The following ZNF45 variants were observed in gnomAD, a reference collection of about 807,000 sequenced individuals.
ZNF45 encodes the protein BRC1744.
A neutral mutation model predicts 12.0 loss-of-function variants in ZNF45; 4 were observed. The observed-to-expected ratio is 0.33, with a 90% CI of 0.16 to 0.76. ZNF45 has a LOEUF of 0.76. Ranked by LOEUF, ZNF45 falls within the 30% of genes least tolerant of loss-of-function variation. The probability of loss-of-function intolerance (pLI) is 0.60; values close to 1 mark genes in which losing one functional copy is unlikely to be tolerated. For missense variants in ZNF45, 700 were observed against 813.0 expected, an observed-to-expected ratio of 0.86 and a Z score of 1.69; for synonymous variants, 272 against 279.6, an observed-to-expected ratio of 0.97 and a Z score of 0.27.
In ZNF45 at chr19:43,913,938, AG is replaced by A; in HGVS notation, c.1497del (p.Tyr500IlefsTer40). The A allele has an allele frequency of 6.2e-7, 1 of 1,601,960 alleles. No homozygotes were observed. Among genetic ancestry groups the A allele is most frequent in the Non-Finnish European group, 8.5e-7 (1 of 1,171,290 alleles). ...VHCRIHTGEK[P>X]YKCERCGKAF... ...GCCTTACCACACCTCTCGCATTTATAGGGTTTCTCTCCTGTGTGGATTCTAC... is the reference window on the plus strand; with the variant it reads ...GCCTTACCACACCTCTCGCATTTATAGGTTTCTCTCCTGTGTGGATTCTAC... On this transcript the variant is annotated frameshift_variant, in exon 10 of 10. Transcript: ENST00000269973. LOFTEE classifies it low-confidence loss of function (END_TRUNC).
chr19:43,927,445 T>C (rs1416002084), intron 3 of ZNF45, among the ~76,000 whole-genome samples: 1 of 152,200 alleles, frequency 6.6e-6, no homozygotes, highest in African/African-American at 2.4e-5. Context: ...GGGTCTACTC[T>C]GTGCCAGCCA....
rs1285110157 is a variant in ZNF45 at position 43,915,204 on chromosome 19, A to C, written c.236-4T>G. On this transcript the variant is annotated splice_polypyrimidine_tract_variant and splice_region_variant and intron_variant, in intron 9 of 9. Coordinates refer to ENST00000269973, the MANE Select transcript of ZNF45 (RefSeq NM_003425.4). ...ATCTCTTTTAGATTCTTGGCTCCTA[A>C]AAGGATAAAGAAAATGTGGAGATGG... The C allele has an allele frequency of 6.7e-7, 1 of 1,486,192 alleles. No individual in the cohort carries two copies. Among genetic ancestry groups the C allele is most frequent in the South Asian group, 1.5e-5 (1 of 67,446 alleles). 92.1% of individuals were successfully genotyped at this position (1,486,192 alleles called of 1,614,324 possible).
chr19:43,912,830 C>G lies in ZNF45; in HGVS notation c.*557G>C, dbSNP rs764704047. 3 of 152,164 alleles carry G rather than the reference C, an allele frequency of 2.0e-5. No individual in the cohort carries two copies. The highest frequency in any genetic ancestry group is 4.4e-5 in the Non-Finnish European group (3 of 68,144). 9.4% of individuals were successfully genotyped at this position (152,164 alleles called of 1,614,324 possible). A position where few individuals can be genotyped will look rare whatever the true frequency, so the allele number is the denominator to read the frequency against. ...GCTAGCCAGAAACTGATTTCTGAACCCACTAACAAGCTGCAACCTTCAGTT... is the reference window on the plus strand; with the variant it reads ...GCTAGCCAGAAACTGATTTCTGAACGCACTAACAAGCTGCAACCTTCAGTT... On this transcript the variant is annotated 3_prime_UTR_variant, in exon 10 of 10. Coordinates refer to ENST00000269973, the MANE Select transcript of ZNF45 (RefSeq NM_003425.4).
Position 43,913,740 on chromosome 19 carries a change from A to G in ZNF45, c.1696T>C (p.Cys566Arg). The G allele has an allele frequency of 1.9e-6, 3 of 1,606,694 alleles. No individual in the cohort carries two copies. The highest frequency in any genetic ancestry group is 2.5e-6 in the Non-Finnish European group (3 of 1,177,570). The stretch of plus-strand genomic sequence containing the variant: ...TGTGCCAGAAAATTGGAGGCCCGAC[A>G]GAAGCCCTTCCCACACTCCTCACAT... ...YQCEECGKGF[C>R]RASNFLAHRG... The change falls in exon 10 of 10, where the codon TGT becomes CGT. Residue 566 changes from cysteine (C) to arginine (R), a missense_variant. By Grantham distance (180) the Cys-to-Arg change is radical. Transcript: ENST00000269973.
chr19:43,933,491 T>G (rs2147262941), intron 2 of ZNF45, among the ~76,000 whole-genome samples: 1 of 152,196 alleles, frequency 6.6e-6, no homozygotes, highest in Non-Finnish European at 1.5e-5. Flanking sequence ...TTAATGATAA[T>G]TATTAGTTTT....
Position 43,913,977 on chromosome 19 carries a change from G to A in ZNF45, c.1459C>T (p.Leu487Phe). Residue 487 changes from leucine (L) to phenylalanine (F), a missense_variant, in exon 10 of 10, where the codon CTT becomes TTT. By Grantham distance (22) the Leu-to-Phe change is conservative. Transcript: ENST00000269973. ...GTGTGGATTCTACAGTGTACATTAA[G>A]ATCTGAGCTCCGACTGAAGCCCTTC... The part of the protein sequence containing the change: ...CGKGFSRSSD[L>F]NVHCRIHTGE... The A allele has an allele frequency of 6.2e-7, 1 of 1,612,962 alleles. No homozygotes were observed. Among genetic ancestry groups the A allele is most frequent in the Non-Finnish European group, 8.5e-7 (1 of 1,179,710 alleles).
chr19:43,926,420 G>A (rs1973681152), intron 3 of ZNF45: 1 of 152,230 alleles, frequency 6.6e-6, no homozygotes, highest in Admixed American at 6.5e-5. Flanking sequence ...ATGAGTCACT[G>A]TTACAGAACC....
At chr19:43,929,252 T>C (rs1344491417) in intron 3 of ZNF45, among the ~76,000 whole-genome samples, 1 of 152,200 alleles carries the variant, frequency 6.6e-6, no homozygotes, top group Non-Finnish European at 1.5e-5. Flanking sequence ...CCTTTGAGAC[T>C]CACAGGGCCC....
chr19:43,919,521 C>T, intron 8 of ZNF45, 52 bp downstream of exon 8: 1 of 1,587,484 alleles, frequency 6.3e-7, no homozygotes, highest in Admixed American at 1.7e-5. Flanking sequence ...TACCCAAGGA[C>T]AGAGAGACAA....
Position 43,913,681 on chromosome 19 carries a change from T to C in ZNF45, c.1755A>G (p.Arg585=). The C allele has an allele frequency of 6.2e-7, 1 of 1,612,626 alleles. No individual in the cohort carries two copies. Among genetic ancestry groups the C allele is most frequent in the Non-Finnish European group, 8.5e-7 (1 of 1,179,746 alleles). The part of the protein sequence containing the change: ...RGVHTGEKPY[R]CDVCGKRFRQ... ...TGAAGCGCTTACCACACACATCACA[T>C]CGGTATGGTTTTTCTCCTGTGTGGA... The change falls in exon 10 of 10, where the codon CGA becomes CGG. Residue 585 remains arginine (R), a synonymous_variant. Coordinates refer to ENST00000269973, the MANE Select transcript of ZNF45 (RefSeq NM_003425.4).
chr19:43,921,105 A>T (rs1300035779), intron 7 of ZNF45, among the ~76,000 whole-genome samples: 1 of 152,178 alleles, frequency 6.6e-6, no homozygotes, highest in Non-Finnish European at 1.5e-5. Context: ...CAGGTCCACT[A>T]AGTGGAGAAT....
intron 6 of ZNF45, among the ~76,000 whole-genome samples, chr19:43,922,468 T>A (rs1973276316): frequency 6.6e-6 from 1 of 151,952 alleles, no homozygotes; most frequent in African/African-American, 2.4e-5. Context: ...CAACATAATT[T>A]CTCCTTGTGG....
At position 43,919,601 on chromosome 19, in the gene ZNF45, C is replaced by T; in HGVS notation, c.114G>A (p.Leu38=). 1.9e-6 allele frequency: 3 copies of T among 1,612,908 alleles called. No individual in the cohort carries two copies. The highest frequency in any genetic ancestry group is 2.5e-6 in the Non-Finnish European group (3 of 1,179,248). ...CTGAGACCACATTCCTGAAGTTCTCCAGCATCACATCTCGGTACAGCTTCC... is the reference window on the plus strand; with the variant it reads ...CTGAGACCACATTCCTGAAGTTCTCTAGCATCACATCTCGGTACAGCTTCC... ...AQRKLYRDVM[L]ENFRNVVSVG... The change falls in exon 8 of 10, where the codon CTG becomes CTA. Residue 38 remains leucine (L), a synonymous_variant. Coordinates refer to ENST00000269973, the MANE Select transcript of ZNF45 (RefSeq NM_003425.4).
chr19:43,921,599 A>G lies in ZNF45; in HGVS notation c.15+572T>C, dbSNP rs571118122. On this transcript the variant is annotated intron_variant, in intron 7 of 9. Coordinates refer to ENST00000269973, the MANE Select transcript of ZNF45 (RefSeq NM_003425.4). ...AGTACTTTTTCAATATAGTGTTTCTATAACATTAAAAGTAAATAATAGCAA... is the reference window on the plus strand; with the variant it reads ...AGTACTTTTTCAATATAGTGTTTCTGTAACATTAAAAGTAAATAATAGCAA... Among the ~76,000 whole-genome samples the G allele has an allele frequency of 9.5e-4, 144 of 152,344 alleles. 1 individual carries two copies. Among genetic ancestry groups the G allele is most frequent in the African/African-American group, 3.2e-3 (134 of 41,588 alleles).
intron 9 of ZNF45, among the ~76,000 whole-genome samples, chr19:43,917,265 G>A (rs1972762845): frequency 6.6e-6 from 1 of 152,112 alleles, no homozygotes; most frequent in African/African-American, 2.4e-5. Context: ...TTGTATTTAT[G>A]ATATAAAATG....
intron 3 of ZNF45, among the ~76,000 whole-genome samples, chr19:43,928,472 C>G (rs1973873013): frequency 6.6e-6 from 1 of 152,142 alleles, no homozygotes; most frequent in Non-Finnish European, 1.5e-5. Context: ...CCCCATGACA[C>G]AAGTTTACCT....
At chr19:43,916,679 A>G (rs774231680) in intron 9 of ZNF45, among the ~76,000 whole-genome samples, 17 of 152,222 alleles carry the variant, frequency 1.1e-4, no homozygotes, top group Non-Finnish European at 1.8e-4. Context: ...TGTGTTGAAT[A>G]AAAGAATTCC....
chr19:43,925,752 G>A (rs1910900976), intron 3 of ZNF45, among the ~76,000 whole-genome samples: 1 of 152,116 alleles, frequency 6.6e-6, no homozygotes, highest in African/African-American at 2.4e-5. Context: ...CTCCCCAGTA[G>A]CTGGATTATG....
intron 3 of ZNF45, among the ~76,000 whole-genome samples, chr19:43,931,023 G>A (rs1482010586): frequency 6.6e-6 from 1 of 151,598 alleles, no homozygotes; most frequent in African/African-American, 2.4e-5. Flanking sequence ...TGCGGCTAAT[G>A]GCTACACTAT....
Sources: allele counts gnomAD v4.1 joint callset (sites outside exome capture counted in the v4.1 genomes callset), GRCh38; gene constraint gnomAD v4.1.1; transcripts MANE v1.5; gene names NCBI Gene and HGNC (gene_info 2026-07-23, HGNC 2026-07-21).